The following RYR1 variants were observed in gnomAD, a reference collection of about 807,000 sequenced individuals.
RYR1 encodes ryanodine receptor 1.
In RYR1, 342 loss-of-function variants were observed where a neutral mutation model predicts 583.5. The ratio of observed to expected loss-of-function variants is 0.59; its 90% CI spans 0.54 to 0.64. RYR1 has a LOEUF of 0.64. Ranked by LOEUF, RYR1 falls within the 30% of genes least tolerant of loss-of-function variation. RYR1 has a pLI of 0.00. For synonymous variants in RYR1, 2,791 were observed against 2,822.5 expected, an observed-to-expected ratio of 0.99 and a Z score of 0.35; for missense variants, 6,032 against 6,917.2, an observed-to-expected ratio of 0.87 and a Z score of 4.54.
At chr19:38,568,758 A>AAAAG (rs1973565655) in intron 93 of RYR1, among the ~76,000 whole-genome samples, 1 of 7,712 alleles carries the variant, frequency 1.3e-4, no homozygotes, top group Non-Finnish European at 2.4e-4. Flanking sequence ...CCTCAAACAA[A>AAAAG]GTGGTGGTGG....
intron 11 of RYR1, among the ~76,000 whole-genome samples, chr19:38,449,901 G>A (rs900710836): frequency 6.6e-6 from 1 of 152,154 alleles, no homozygotes; most frequent in Non-Finnish European, 1.5e-5. Context: ...TTGTTTGTTT[G>A]TTTTTTGTAG....
chr19:38,507,098 T>C, intron 57 of RYR1, 146 bp downstream of exon 57: 4 of 1,323,956 alleles, frequency 3.0e-6, no homozygotes, highest in Non-Finnish European at 4.1e-6. Context: ...GCTAAGGGAG[T>C]GGGGCCTGGA....
Position 38,448,642 on chromosome 19 carries a change from C to T in RYR1, c.958-7C>T, listed in dbSNP as rs775586353. On this transcript the variant is annotated splice_polypyrimidine_tract_variant and splice_region_variant and intron_variant, in intron 10 of 105. Transcript: ENST00000359596. ...AGGAGGCTGACCTGTGTCCCCTGCC[C>T]CTGTAGGAGAAGCTGGATGTGGCCC... 1.9e-6 allele frequency: 3 copies of T among 1,614,182 alleles called. No individual in the cohort carries two copies. Among genetic ancestry groups the T allele is most frequent in the Non-Finnish European group, 8.5e-7 (1 of 1,180,028 alleles).
intron 84 of RYR1, among the ~76,000 whole-genome samples, chr19:38,540,265 A>G (rs941434374): frequency 7.9e-5 from 12 of 151,972 alleles, no homozygotes; most frequent in Admixed American, 7.2e-4. Flanking sequence ...ACTTGAGCCC[A>G]GCAGTTCAAG....
At chr19:38,471,874 C>T (rs1489480936) in intron 27 of RYR1, among the ~76,000 whole-genome samples, 2 of 146,844 alleles carry the variant, frequency 1.4e-5, no homozygotes, top group African/African-American at 5.2e-5. Context: ...TGCACTCCAG[C>T]CTGGGTGACA....
chr19:38,528,457 G>A lies in RYR1; in HGVS notation c.10937+39G>A, dbSNP rs2945049. On this transcript the variant is annotated intron_variant, in intron 74 of 105. Transcript: ENST00000359596. ...GGACAAGGGAAGCGTGAAGGGCTGC[G>A]GAGAAAGGGTGGCTGGAGAGTCTGG... is the stretch of plus-strand genomic sequence containing the variant. 9,589 of 1,606,880 alleles carry A rather than the reference G, an allele frequency of 6.0e-3. 404 individuals are homozygous for A. The African/African-American group carries it at 0.1, about 17-fold the overall frequency.
chr19:38,490,578 T>TCTAA, intron 36 of RYR1, 43 bp from the exon 37 acceptor site: 8 of 1,260,120 alleles, frequency 6.3e-6, no homozygotes, highest in Non-Finnish European at 9.3e-6. Context: ...AGTTCCTGCT[T>TCTAA]TGGGATCTCA....
Position 38,512,086 on chromosome 19 carries a change from G to C in RYR1, c.9187G>C (p.Ala3063Pro). Reference sequence around the variant, plus strand: ...TCCTCTCCCAGGGACAGACGCCCCAGCTGTGGTCAACTGTCTTCACATCCT... The same window carrying C: ...TCCTCTCCCAGGGACAGACGCCCCACCTGTGGTCAACTGTCTTCACATCCT... ...RVSLFGTDAPAVVNCLHILAR... is the reference protein window; with the variant it reads ...RVSLFGTDAPPVVNCLHILAR... The change falls in exon 62 of 106, where the codon GCT (alanine) becomes CCT (proline). Residue 3063 changes from alanine to proline, a missense_variant. By Grantham distance (27) the Ala-to-Pro change is conservative. This residue lies in a region of RYR1 where 1,493 missense variants were observed against 1,715.5 expected (regional missense o/e 0.87). Transcript: ENST00000359596. The surrounding 1 kb of genome is among the most constrained non-coding windows in gnomAD (Gnocchi z 5.1). The C allele has an allele frequency of 6.2e-7, 1 of 1,614,174 alleles. No homozygotes were observed. The highest frequency in any genetic ancestry group is 8.5e-7 in the Non-Finnish European group (1 of 1,180,026).
chr19:38,463,396 G>A (rs571261404), intron 20 of RYR1, 27 bp from the exon 21 acceptor site: 2 of 1,600,546 alleles, frequency 1.2e-6, no homozygotes, highest in Non-Finnish European at 1.7e-6. Flanking sequence ...GGACCTTGGG[G>A]TCTCAAGAAC....
At chr19:38,503,035 T>A in intron 49 of RYR1, 65 bp downstream of exon 49, 1 of 1,500,842 alleles carries the variant, frequency 6.7e-7, no homozygotes, top group South Asian at 1.1e-5. Context: ...TCTTCCCTCC[T>A]ACTGCGGGGC....
rs769904500 is a variant in RYR1 at position 38,448,444 on chromosome 19, G to A, written c.890G>A (p.Gly297Asp). The change falls in exon 10 of 106, where the codon GGC (glycine) becomes GAC (aspartate). Residue 297 changes from glycine to aspartate, a missense_variant. Physicochemically the swap from Gly to Asp is moderately conservative, Grantham distance 94. Transcript: ENST00000359596. ...TACCTAGCGCTCACCGAGGACCAGG[G>A]CCTGGTGGTGGTTGACGCCAGCAAG... ...GQYLALTEDQ[G>D]LVVVDASKAH... 1.2e-5 allele frequency: 19 copies of A among 1,613,726 alleles called. No homozygotes were observed. Among genetic ancestry groups the A allele is most frequent in the Non-Finnish European group, 1.6e-5 (19 of 1,180,024 alleles).
In RYR1 at chr19:38,502,906, A is replaced by C. The variant is rs1431390859; in HGVS notation, c.7862A>C (p.His2621Pro). ...CRYIRPSMLQ[H>P]LLRRLVFDVP... ...TACATCCGCCCGTCGATGCTGCAGCACCTGTTGCGCCGCCTGGTGTTCGAC... is the reference window on the plus strand; with the variant it reads ...TACATCCGCCCGTCGATGCTGCAGCCCCTGTTGCGCCGCCTGGTGTTCGAC... The change falls in exon 49 of 106, where the codon CAC becomes CCC. Residue 2621 changes from histidine to proline, a missense_variant. Physicochemically the swap from His to Pro is moderately conservative, Grantham distance 77. Around this residue, in one of 11 missense-constraint regions of RYR1, gnomAD observed 250 missense variants for 162.3 expected, o/e 1.54. Transcript: ENST00000359596. 1.2e-6 allele frequency: 2 copies of C among 1,611,606 alleles called. No homozygotes were observed. The highest frequency in any genetic ancestry group is 1.7e-6 in the Non-Finnish European group (2 of 1,179,956).
chr19:38,564,284 G>A (rs1485466280), intron 90 of RYR1, among the ~76,000 whole-genome samples: 1 of 152,188 alleles, frequency 6.6e-6, no homozygotes, highest in African/African-American at 2.4e-5. Context: ...AGCACTTTGG[G>A]AGGGTGAGGC....
In RYR1 at chr19:38,561,051, A is replaced by AG; in HGVS notation, c.12283-62_12283-61insG. 1 of 1,457,056 alleles carries AG rather than the reference A, an allele frequency of 6.9e-7. No homozygotes were observed. The highest frequency in any genetic ancestry group is 2.4e-5 in the East Asian group (1 of 42,098). 90.3% of individuals were successfully genotyped at this position (1,457,056 alleles called of 1,614,324 possible). On this transcript the variant is annotated intron_variant, in intron 89 of 105. Coordinates refer to ENST00000359596, the MANE Select transcript of RYR1 (RefSeq NM_000540.3). The surrounding 1 kb of genome is among the most constrained non-coding windows in gnomAD (Gnocchi z 4.8). ...GCGAGACCTTGTCTTAAAAAAAAAA[A>AG]AAAAAAGAGAGAGAATTGAGGCTCT...
chr19:38,530,863 C>T (rs1250121947), intron 76 of RYR1, among the ~76,000 whole-genome samples: 1 of 151,826 alleles, frequency 6.6e-6, no homozygotes. Flanking sequence ...AGTGCAATGG[C>T]GCAATCTCGG....
intron 95 of RYR1, among the ~76,000 whole-genome samples, chr19:38,572,898 GCCCC>G: frequency 7.1e-6 from 1 of 141,622 alleles, no homozygotes; most frequent in Non-Finnish European, 1.5e-5. Context: ...TTCTATCTAT[GCCCC>G]CTATCCCGGC....
intron 89 of RYR1, among the ~76,000 whole-genome samples, chr19:38,550,708 A>T (rs1972627998): frequency 6.6e-6 from 1 of 151,954 alleles, no homozygotes; most frequent in Non-Finnish European, 1.5e-5. Flanking sequence ...GTTAACTTGG[A>T]TGGCTTGGTT....
At chr19:38,511,251 G>A (rs1416177263) in intron 60 of RYR1, among the ~76,000 whole-genome samples, 2 of 152,054 alleles carry the variant, frequency 1.3e-5, no homozygotes, top group African/African-American at 2.4e-5. Context: ...AGCTGGGATC[G>A]TGCCACTGTA....
At position 38,517,652 on chromosome 19, in the gene RYR1, C is replaced by T; in HGVS notation, c.9979C>T (p.Leu3327=). 1.2e-6 allele frequency: 2 copies of T among 1,614,216 alleles called. No homozygotes were observed. ...TATCCTGAGAATCATCGTCAACAAC[C>T]TGGGCATTGACGAGGCCTCCTGGAT... ...GNILRIIVNN[L]GIDEASWMKR... is the part of the protein sequence containing the mutation. The change falls in exon 66 of 106, where the codon CTG becomes TTG. Residue 3327 remains leucine (L), a synonymous_variant. Transcript: ENST00000359596.
Sources: gnomAD v4.1 joint callset for allele counts (sites outside exome capture counted in the v4.1 genomes callset) on GRCh38, gnomAD v4.1.1 for gene constraint, gnomAD v4.1.1 regional missense constraint, Gnocchi (gnomAD v3.1) non-coding constraint, MANE v1.5 for transcripts, NCBI Gene and HGNC (gene_info 2026-07-23, HGNC 2026-07-21) for gene names.